The following ANO6 variants were observed in gnomAD, a reference collection of about 807,000 sequenced individuals.
ANO6 encodes the protein anoctamin 6.
In ANO6, 106 loss-of-function variants were observed where a neutral mutation model predicts 117.5. The ratio of observed to expected loss-of-function variants is 0.90; its 90% confidence interval spans 0.77 to 1.06. The LOEUF (loss-of-function observed/expected upper bound fraction) is 1.06, where lower values mean the gene tolerates loss of function less well. Ranked by LOEUF, ANO6 falls within the 50% of genes least tolerant of loss-of-function variation. The probability of loss-of-function intolerance (pLI) is 0.00; values close to 1 mark genes in which losing one functional copy is unlikely to be tolerated. For missense variants in ANO6, 955 were observed against 1,121.1 expected, an observed-to-expected ratio of 0.85 and a Z score of 2.12; for synonymous variants, 367 against 385.1, an observed-to-expected ratio of 0.95 and a Z score of 0.55.
At chr12:45,280,471 A>G (rs1938690002) in intron 1 of ANO6, among the ~76,000 whole-genome samples, 1 of 152,204 alleles carries the variant, frequency 6.6e-6, no homozygotes, top group Non-Finnish European at 1.5e-5. Context: ...CAGAATCTCC[A>G]TCAGGCAAGG....
At chr12:45,303,245 A>G (rs1939556290) in intron 2 of ANO6, among the ~76,000 whole-genome samples, 1 of 152,232 alleles carries the variant, frequency 6.6e-6, no homozygotes. Context: ...TATTATATTC[A>G]ATAAGATTTC....
At chr12:45,299,570 A>G (rs540182978) in intron 1 of ANO6, among the ~76,000 whole-genome samples, 1 of 152,274 alleles carries the variant, frequency 6.6e-6, no homozygotes, top group African/African-American at 2.4e-5. Context: ...AATTGAATCC[A>G]GGCCGGAAGC....
At position 45,348,321 on chromosome 12, in the gene ANO6, T is replaced by G. The variant is rs369257614; in HGVS notation, c.633+6T>G. 1 of 1,613,896 alleles carries G rather than the reference T, an allele frequency of 6.2e-7. No individual in the cohort carries two copies. Among genetic ancestry groups the G allele is most frequent in the African/African-American group, 1.3e-5 (1 of 74,894 alleles). On this transcript the variant is annotated splice_donor_region_variant and intron_variant, in intron 5 of 19. Coordinates refer to ENST00000320560, the MANE Select transcript of ANO6 (RefSeq NM_001025356.3). ...CAGCCACCAGAAGCCGCATTGTAAG[T>G]CTAAACCAAATTTAGTTGCTGTCTT...
intron 1 of ANO6, among the ~76,000 whole-genome samples, chr12:45,236,156 A>C (rs956832499): frequency 2.6e-5 from 4 of 152,244 alleles, no homozygotes; most frequent in African/African-American, 9.6e-5. Context: ...AAAAGTGATA[A>C]ATTCTGTGAA....
chr12:45,413,792 C>G (rs1474582307), intron 16 of ANO6, among the ~76,000 whole-genome samples: 1 of 147,846 alleles, frequency 6.8e-6, no homozygotes, highest in Non-Finnish European at 1.5e-5. Context: ...AGAGCCAGCA[C>G]CTACACAAGT....
chr12:45,353,937 A>T (rs1941346730), intron 7 of ANO6, among the ~76,000 whole-genome samples: 1 of 142,930 alleles, frequency 7.0e-6, no homozygotes, highest in African/African-American at 3.0e-5. Context: ...AATTATGCAG[A>T]GCATAGAGCA....
chr12:45,411,279 C>T (rs1466037604), intron 16 of ANO6, among the ~76,000 whole-genome samples: 4 of 152,080 alleles, frequency 2.6e-5, no homozygotes, highest in African/African-American at 9.7e-5. Flanking sequence ...TAGTTATCAA[C>T]CAAATAATTC....
In ANO6 at chr12:45,331,352, G is replaced by A; in HGVS notation, c.208G>A (p.Asp70Asn). The change falls in exon 3 of 20, where the codon GAC (aspartate) becomes AAC (asparagine). Residue 70 changes from aspartate to asparagine, a missense_variant. Coordinates refer to ENST00000320560, the MANE Select transcript of ANO6 (RefSeq NM_001025356.3). ...TTTTAATGATGGCCAGCGAAGAATT[G>A]ACTTTGTTCTAGTATATGAGGATGA... ...LFFNDGQRRI[D>N]FVLVYEDESR... is the part of the protein sequence containing the mutation. 1 of 1,610,168 alleles carries A rather than the reference G, an allele frequency of 6.2e-7. No individual in the cohort carries two copies. Among genetic ancestry groups the A allele is most frequent in the Admixed American group, 1.7e-5 (1 of 59,744 alleles).
At position 45,430,825 on chromosome 12, in the gene ANO6, CCT is replaced by C. The variant is rs1355384586; in HGVS notation, c.*1518_*1519del. 1.0e-6 allele frequency: 1 copy of C among 985,242 alleles called. No homozygotes were observed. The highest frequency in any genetic ancestry group is 1.7e-5 in the African/African-American group (1 of 57,170). The allele number at this position is 985,242 out of a possible 1,614,324, so 61.0% of individuals were successfully genotyped here. ...CTCTGGAAAAGACAGGGAGCCAGGCCCTCTCACCCCTACTGGTAACAGGTCAT... is the reference window on the plus strand; with the variant it reads ...CTCTGGAAAAGACAGGGAGCCAGGCCCTCACCCCTACTGGTAACAGGTCAT... On this transcript the variant is annotated 3_prime_UTR_variant, in exon 20 of 20. Transcript: ENST00000320560.
Position 45,431,281 on chromosome 12 carries a change from A to G in ANO6, c.*1970A>G. 2.0e-6 allele frequency: 2 copies of G among 984,630 alleles called. No individual in the cohort carries two copies. Among genetic ancestry groups the G allele is most frequent in the Non-Finnish European group, 2.4e-6 (2 of 829,746 alleles). 61.0% of individuals were successfully genotyped at this position (984,630 alleles called of 1,614,324 possible). ...CGGGAGTGCCACTGTTCCTCTCTTC[A>G]CTCCTGAGATACTGCTTCTGGAAGC... On this transcript the variant is annotated 3_prime_UTR_variant, in exon 20 of 20. Coordinates refer to ENST00000320560, the MANE Select transcript of ANO6 (RefSeq NM_001025356.3).
intron 6 of ANO6, among the ~76,000 whole-genome samples, chr12:45,350,208 C>G (rs1269467828): frequency 6.6e-6 from 1 of 152,174 alleles, no homozygotes; most frequent in East Asian, 1.9e-4. Flanking sequence ...AACTGCTGAA[C>G]TGGGGGCAAA....
intron 1 of ANO6, among the ~76,000 whole-genome samples, chr12:45,287,847 G>T (rs923350649): frequency 8.5e-5 from 13 of 152,100 alleles, no homozygotes; most frequent in Non-Finnish European, 1.9e-4. Context: ...AAATATTAAA[G>T]ATCACCTGAC....
chr12:45,326,314 A>G (rs746413825), intron 2 of ANO6, among the ~76,000 whole-genome samples: 1 of 152,226 alleles, frequency 6.6e-6, no homozygotes, highest in Non-Finnish European at 1.5e-5. Flanking sequence ...GTTCAGGACT[A>G]GTTATAGCCA....
chr12:45,255,818 G>GTTTTTTTGTTTT (rs1555161289), intron 1 of ANO6, among the ~76,000 whole-genome samples: 1 of 81,714 alleles, frequency 1.2e-5, no homozygotes, highest in African/African-American at 4.5e-5. Context: ...CTCCCTGGGT[G>GTTTTTTTGTTTT]TTTTTTTTTT....
At chr12:45,264,341 A>G (rs957488911) in intron 1 of ANO6, among the ~76,000 whole-genome samples, 1 of 152,044 alleles carries the variant, frequency 6.6e-6, no homozygotes, top group Non-Finnish European at 1.5e-5. Context: ...TCCTTATCCT[A>G]CTCTGTCCTT....
At chr12:45,396,356 T>A (rs1171788933) in intron 12 of ANO6, among the ~76,000 whole-genome samples, 2 of 152,088 alleles carry the variant, frequency 1.3e-5, no homozygotes, top group African/African-American at 4.8e-5. Flanking sequence ...CACAAACAAA[T>A]GGAAGAATAT....
intron 15 of ANO6, 68 bp from the exon 16 acceptor site, chr12:45,409,289 A>AG: frequency 6.3e-7 from 1 of 1,579,154 alleles, no homozygotes; most frequent in Non-Finnish European, 8.7e-7. Flanking sequence ...TTGAGATAGC[A>AG]GCAAAATATT....
chr12:45,317,859 T>A (rs1322434020), intron 2 of ANO6, among the ~76,000 whole-genome samples: 1 of 152,238 alleles, frequency 6.6e-6, no homozygotes. Flanking sequence ...GATTTGCATT[T>A]CTCTGATGGC....
intron 8 of ANO6, among the ~76,000 whole-genome samples, chr12:45,365,624 C>T (rs1941665394): frequency 6.6e-6 from 1 of 152,142 alleles, no homozygotes; most frequent in Admixed American, 6.5e-5. Context: ...CTTTAGACTA[C>T]TTCTTCCCCC....
Sources: allele counts gnomAD v4.1 joint callset (sites outside exome capture counted in the v4.1 genomes callset), GRCh38; gene constraint gnomAD v4.1.1; transcripts MANE v1.5; gene names NCBI Gene and HGNC (gene_info 2026-07-23, HGNC 2026-07-21).